Variants in IKZF1 observed in about 807,000 individuals in gnomAD.
IKZF1 encodes IKAROS family zinc finger 1.
IKZF1 carries 10 observed loss-of-function variants against 51.7 expected under a neutral mutation model. The observed-to-expected ratio is 0.19, with a 90% CI of 0.12 to 0.33. IKZF1 has a LOEUF of 0.33. Ranked by LOEUF, IKZF1 falls within the 10% of genes least tolerant of loss-of-function variation. The pLI is 1.00. For synonymous variants in IKZF1, 280 were observed against 282.3 expected, an observed-to-expected ratio of 0.99 and a Z score of 0.08; for missense variants, 484 against 707.5, an observed-to-expected ratio of 0.68 and a Z score of 3.58.
chr7:50,324,535 T>C (rs936845305), intron 2 of IKZF1, among the ~76,000 whole-genome samples: 4 of 152,286 alleles, frequency 2.6e-5, no homozygotes, highest in Admixed American at 2.6e-4. Context: ...GTCTGACCCA[T>C]GGTATTTTAG....
chr7:50,374,129 T>A (rs1160349159), intron 3 of IKZF1, among the ~76,000 whole-genome samples: 1 of 152,234 alleles, frequency 6.6e-6, no homozygotes, highest in African/African-American at 2.4e-5. Context: ...ATTCATTTCA[T>A]TATTCATCTG....
At chr7:50,361,744 T>C (rs6976036) in intron 3 of IKZF1, among the ~76,000 whole-genome samples, 74,344 of 151,858 alleles carry the variant, frequency 0.49, 18,489 homozygotes, top group Admixed American at 0.59. Flanking sequence ...GGCATGGTGG[T>C]GCGCGCCTGT....
chr7:50,365,938 C>T (rs934384595), intron 3 of IKZF1, among the ~76,000 whole-genome samples: 2 of 152,148 alleles, frequency 1.3e-5, no homozygotes, highest in African/African-American at 4.8e-5. Context: ...GAATACTATG[C>T]AGCCATAAGA....
chr7:50,323,546 T>A (rs957621617), intron 2 of IKZF1, among the ~76,000 whole-genome samples: 2 of 152,240 alleles, frequency 1.3e-5, no homozygotes, highest in Non-Finnish European at 2.9e-5. Context: ...ACACTTCTCA[T>A]AGGTAATGCT....
At chr7:50,336,251 G>T (rs1021234522) in intron 3 of IKZF1, among the ~76,000 whole-genome samples, 3 of 152,124 alleles carry the variant, frequency 2.0e-5, no homozygotes, top group Non-Finnish European at 4.4e-5. Flanking sequence ...GCCTGGCCCC[G>T]GCGGGGGCAG....
chr7:50,304,977 T>TA (rs76139677), intron 1 of IKZF1, 55 bp downstream of exon 1: 4,225 of 145,806 alleles, frequency 0.029, 70 homozygotes, highest in African/African-American at 0.039. Context: ...CTGGTGAATT[T>TA]AAAAAAAAAA....
At chr7:50,343,437 G>A (rs1018429098) in intron 3 of IKZF1, among the ~76,000 whole-genome samples, 69 of 152,188 alleles carry the variant, frequency 4.5e-4, no homozygotes, top group African/African-American at 1.5e-3. Context: ...GTGCCATCAG[G>A]CACACCATCC....
intron 4 of IKZF1, among the ~76,000 whole-genome samples, chr7:50,381,444 C>T (rs1036292343): frequency 3.9e-5 from 6 of 152,362 alleles, no homozygotes; most frequent in Middle Eastern, 3.4e-3. Flanking sequence ...AAATGTATCA[C>T]TCTTCGAAGT....
At position 50,404,174 on chromosome 7, in the gene IKZF1, A is replaced by T; in HGVS notation, c.*3547A>T. On this transcript the variant is annotated 3_prime_UTR_variant, in exon 8 of 8. Transcript: ENST00000331340. ...AATACTTTCTAATACAGTTTTTTAT[A>T]ATGTTGTGTGTGGTGATTGTTCAGG... 4.7e-6 allele frequency: 1 copy of T among 214,710 alleles called. No individual in the cohort carries two copies. The highest frequency in any genetic ancestry group is 9.4e-6 in the Non-Finnish European group (1 of 106,132). The allele number at this position is 214,710 out of a possible 1,614,324, so 13.3% of individuals were successfully genotyped here.
intron 3 of IKZF1, among the ~76,000 whole-genome samples, chr7:50,357,259 T>A (rs1803700724): frequency 6.6e-6 from 1 of 151,954 alleles, no homozygotes; most frequent in Non-Finnish European, 1.5e-5. Flanking sequence ...CCTGGGGACT[T>A]CATCTCAGCT....
intron 4 of IKZF1, among the ~76,000 whole-genome samples, chr7:50,378,784 A>G (rs1022020902): frequency 1.3e-5 from 2 of 152,206 alleles, no homozygotes; most frequent in African/African-American, 2.4e-5. Context: ...TCAGAAGTCA[A>G]TTTTATAGTT....
intron 3 of IKZF1, among the ~76,000 whole-genome samples, chr7:50,360,224 G>T (rs532907472): frequency 6.6e-6 from 1 of 152,114 alleles, no homozygotes; most frequent in African/African-American, 2.4e-5. Context: ...CCTCCCTGAA[G>T]CAGGGCCTGG....
At chr7:50,313,573 A>G (rs1790719713) in intron 1 of IKZF1, among the ~76,000 whole-genome samples, 1 of 152,198 alleles carries the variant, frequency 6.6e-6, no homozygotes, top group Non-Finnish European at 1.5e-5. Flanking sequence ...GGGCTGCAAC[A>G]TTCTGATGGG....
In IKZF1 at chr7:50,400,143, C is replaced by T. The variant is rs752909152; in HGVS notation, c.1076C>T (p.Pro359Leu). The change falls in exon 8 of 8, where the codon CCG becomes CTG. Residue 359 changes from proline to leucine, a missense_variant. By Grantham distance (98) the Pro-to-Leu change is moderately conservative. Coordinates refer to ENST00000331340, the MANE Select transcript of IKZF1 (RefSeq NM_006060.6). This position sits in a 1 kb window ranked among gnomAD's most constrained non-coding sequence, Gnocchi z 5.4. ...QLHKPLAEGT[P>L]RSNHSAQDSA... Reference sequence around the variant, plus strand: ...CACAAGCCGCTCGCGGAGGGCACCCCGCGCTCCAACCACTCGGCCCAGGAC... The same window carrying T: ...CACAAGCCGCTCGCGGAGGGCACCCTGCGCTCCAACCACTCGGCCCAGGAC... The T allele has an allele frequency of 1.5e-5, 23 of 1,561,522 alleles. No homozygotes were observed. The African/African-American group carries it at 2.6e-4, about 18-fold the overall frequency.
chr7:50,330,968 C>A (rs1196041515), intron 3 of IKZF1, among the ~76,000 whole-genome samples: 1 of 152,116 alleles, frequency 6.6e-6, no homozygotes, highest in Non-Finnish European at 1.5e-5. Flanking sequence ...GAGCTTCTGG[C>A]AAGGCTTTTC....
intron 6 of IKZF1, among the ~76,000 whole-genome samples, chr7:50,389,788 C>T (rs1352801322): frequency 6.6e-6 from 1 of 152,126 alleles, no homozygotes; most frequent in Non-Finnish European, 1.5e-5. Context: ...CAGGCAGGGG[C>T]TTGGTCATTT....
chr7:50,399,215 G>C (rs2153516337), intron 7 of IKZF1, among the ~76,000 whole-genome samples: 1 of 152,242 alleles, frequency 6.6e-6, no homozygotes, highest in South Asian at 2.1e-4. Context: ...ACATGTTTCT[G>C]GGGAGCCCTG....
intron 3 of IKZF1, among the ~76,000 whole-genome samples, chr7:50,353,666 C>T (rs894384435): frequency 1.3e-5 from 2 of 152,230 alleles, no homozygotes; most frequent in Non-Finnish European, 1.5e-5. Context: ...GTAGATGCCA[C>T]TTTTGCTCCA....
chr7:50,388,732 C>T (rs1453513361), intron 6 of IKZF1, among the ~76,000 whole-genome samples: 1 of 152,180 alleles, frequency 6.6e-6, no homozygotes, highest in Non-Finnish European at 1.5e-5. Context: ...GGCCAGACCC[C>T]AGGGCAGAAG....
Sources: gnomAD v4.1 joint callset for allele counts (sites outside exome capture counted in the v4.1 genomes callset) on GRCh38, gnomAD v4.1.1 for gene constraint, Gnocchi (gnomAD v3.1) non-coding constraint, MANE v1.5 for transcripts, NCBI Gene and HGNC (gene_info 2026-07-23, HGNC 2026-07-21) for gene names.